The following ASB14 variants were observed in gnomAD, a reference collection of about 807,000 sequenced individuals.
ASB14 encodes ankyrin repeat and SOCS box containing 14.
Under a neutral mutation model 55.6 loss-of-function variants are expected in ASB14, and 63 were observed. That is an observed-to-expected ratio of 1.13 (90% CI 0.92 to 1.40). ASB14 has a LOEUF of 1.40. ASB14 is among the 40% of genes most tolerant of loss of function. The probability of loss-of-function intolerance (pLI) is 0.00; values close to 1 mark genes in which losing one functional copy is unlikely to be tolerated. For synonymous variants in ASB14, 256 were observed against 259.9 expected (o/e 0.98, Z 0.15); for missense variants, 724 against 710.4 (o/e 1.02, Z -0.22).
intron 9 of ASB14, among the ~76,000 whole-genome samples, 153 bp downstream of exon 9, chr3:57,277,614 G>A: frequency 6.6e-6 from 1 of 152,158 alleles, no homozygotes; most frequent in Non-Finnish European, 1.5e-5. Context: ...CAAATTAAGT[G>A]TAGTTAGTAA....
At chr3:57,290,063 A>G (rs775534251) in intron 2 of ASB14, among the ~76,000 whole-genome samples, 1 of 152,234 alleles carries the variant, frequency 6.6e-6, no homozygotes, top group Non-Finnish European at 1.5e-5. Flanking sequence ...ACCTGCATTC[A>G]TAGATTTAGT....
At chr3:57,278,048 G>C (rs1013337737) in intron 8 of ASB14, 128 bp from the exon 9 acceptor site, 1 of 802,584 alleles carries the variant, frequency 1.2e-6, no homozygotes. Context: ...AAAATGGGAA[G>C]GGATGGTAGT....
chr3:57,280,021 G>C (rs1398583826), intron 7 of ASB14, among the ~76,000 whole-genome samples: 2 of 151,916 alleles, frequency 1.3e-5, no homozygotes, highest in Non-Finnish European at 2.9e-5. Context: ...CAGGGCCATG[G>C]CTGCTACAAC....
Position 57,278,746 on chromosome 3 carries a change from G to A in ASB14, c.1062C>T (p.Asp354=), listed in dbSNP as rs779253795. The A allele has an allele frequency of 1.2e-6, 2 of 1,613,586 alleles. No homozygotes were observed. The highest frequency in any genetic ancestry group is 2.2e-5 in the South Asian group (2 of 91,006). ...LDQRINKHYD[D]HRKSALYFAV... ...CAAAATACAAAGCTGACTTCCTGTG[G>A]TCATCGTAGTGTTTGTTAATTCTCT... The change falls in exon 8 of 11, where the codon GAC becomes GAT. Residue 354 remains aspartate, a synonymous_variant. Transcript: ENST00000487349.
Position 57,291,903 on chromosome 3 carries a change from A to G in ASB14, c.122+9T>C, listed in dbSNP as rs1373849269. 1 of 1,527,314 alleles carries G rather than the reference A, an allele frequency of 6.5e-7. No individual in the cohort carries two copies. Among genetic ancestry groups the G allele is most frequent in the South Asian group, 1.2e-5 (1 of 83,606 alleles). The allele number at this position is 1,527,314 out of a possible 1,614,324, so 94.6% of individuals were successfully genotyped here. On this transcript the variant is annotated intron_variant, in intron 2 of 10. Coordinates refer to ENST00000487349, the MANE Select transcript of ASB14 (RefSeq NM_001142733.3). ...CTTAATACTATATTGCCGATGAGAA[A>G]ACCATTACCTCTCATCCTTAGGTGC...
intron 2 of ASB14, among the ~76,000 whole-genome samples, chr3:57,289,868 C>T (rs549900196): frequency 6.6e-5 from 10 of 151,894 alleles, no homozygotes; most frequent in African/African-American, 1.4e-4. Flanking sequence ...AGGATGATCT[C>T]GATCTCCTGA....
rs1305018672 is a variant in ASB14, at chr3:57,289,080, T to C, written c.166A>G (p.Thr56Ala). 2.0e-6 allele frequency: 3 copies of C among 1,527,482 alleles called. No homozygotes were observed. Among genetic ancestry groups the C allele is most frequent in the Middle Eastern group, 1.7e-4 (1 of 5,974 alleles). 94.6% of individuals were successfully genotyped at this position (1,527,482 alleles called of 1,614,324 possible). A position where few individuals can be genotyped will look rare whatever the true frequency, so the allele number is the denominator to read the frequency against. ...LSADYKKIVE[T>A]IEKGKEDALS... is the part of the protein sequence containing the mutation. ...TAGGAGTACTTAACTTTCTCTATTGTTTCAACTATCTTCTTATAGTCAGCG... is the reference window on the plus strand; with the variant it reads ...TAGGAGTACTTAACTTTCTCTATTGCTTCAACTATCTTCTTATAGTCAGCG... Residue 56 changes from threonine (T) to alanine (A), a missense_variant, in exon 3 of 11, where the codon ACA becomes GCA. Coordinates refer to ENST00000487349, the MANE Select transcript of ASB14 (RefSeq NM_001142733.3).
chr3:57,285,192 C>T (rs1020263464), intron 5 of ASB14, among the ~76,000 whole-genome samples: 8 of 152,112 alleles, frequency 5.3e-5, no homozygotes, highest in South Asian at 2.1e-4. Flanking sequence ...CGGCCGGCCT[C>T]GGCCTCCCAA....
At chr3:57,272,388 A>G (rs1473137777) in intron 10 of ASB14, 1 of 152,214 alleles carries the variant, frequency 6.6e-6, no homozygotes, top group African/African-American at 2.4e-5. Context: ...CTCAGGCTCT[A>G]CAATCTAGGG....
In ASB14 at chr3:57,280,297, T is replaced by G; in HGVS notation, c.887+5A>C. The G allele has an allele frequency of 6.5e-7, 1 of 1,539,096 alleles. No individual in the cohort carries two copies. Among genetic ancestry groups the G allele is most frequent in the South Asian group, 1.2e-5 (1 of 82,434 alleles). On this transcript the variant is annotated splice_donor_5th_base_variant and intron_variant, in intron 7 of 10. Coordinates refer to ENST00000487349, the MANE Select transcript of ASB14 (RefSeq NM_001142733.3). The stretch of plus-strand genomic sequence containing the variant: ...ATTATTTATAATAATGTAATTGAAC[T>G]TAACAGTAAGTGGCCCCTGTCAGCT...
At chr3:57,292,423 TAC>T (rs2061140964) in intron 1 of ASB14, among the ~76,000 whole-genome samples, 1 of 152,226 alleles carries the variant, frequency 6.6e-6, no homozygotes, top group Admixed American at 6.5e-5. Flanking sequence ...ATATCTTTCC[TAC>T]ACACAGTGTG....
chr3:57,285,179 G>T (rs1484083960), intron 5 of ASB14, among the ~76,000 whole-genome samples: 3 of 152,098 alleles, frequency 2.0e-5, no homozygotes, highest in Non-Finnish European at 4.4e-5. Flanking sequence ...GATCTCAGGT[G>T]ACCGGCCGGC....
intron 10 of ASB14, among the ~76,000 whole-genome samples, chr3:57,276,052 CTACTG>C (rs2060983115): frequency 1.3e-5 from 2 of 152,174 alleles, no homozygotes; most frequent in South Asian, 4.2e-4. Flanking sequence ...ATAAGGGAGA[CTACTG>C]TATTATATAT....
Position 57,277,164 on chromosome 3 carries a change from G to C in ASB14, c.1586-436C>G, listed in dbSNP as rs546106999. On this transcript the variant is annotated intron_variant, in intron 9 of 10. Transcript: ENST00000487349. ...TGCCTGTAATCTCAGCTACTCGTGAGACTGAGGCAGGAGAATCGCTTGAAC... is the reference window on the plus strand; with the variant it reads ...TGCCTGTAATCTCAGCTACTCGTGACACTGAGGCAGGAGAATCGCTTGAAC... Among the ~76,000 whole-genome samples the C allele has an allele frequency of 3.4e-4, 51 of 151,912 alleles. 2 individuals are homozygous for C. The South Asian group carries it at 0.01, about 31-fold the overall frequency.
intron 10 of ASB14, among the ~76,000 whole-genome samples, chr3:57,275,859 TAGA>T (rs2060981513): frequency 6.6e-6 from 1 of 152,164 alleles, no homozygotes; most frequent in South Asian, 2.1e-4. Context: ...TATTTAAACA[TAGA>T]AAAGGTACAG....
intron 10 of ASB14, chr3:57,270,342 T>A (rs1003450543): frequency 1.2e-4 from 19 of 152,766 alleles, no homozygotes; most frequent in Middle Eastern, 3.4e-3. Context: ...TGTCTTCAGT[T>A]CAAGATTGAT....
At chr3:57,277,686 G>A in intron 9 of ASB14, 81 bp downstream of exon 9, 1 of 1,256,610 alleles carries the variant, frequency 8.0e-7, no homozygotes, top group African/African-American at 1.5e-5. Flanking sequence ...CAGAAGAGAA[G>A]GGTGTTCTAA....
chr3:57,288,134 G>A (rs942953153), intron 4 of ASB14, 21 bp downstream of exon 4: 1 of 1,536,486 alleles, frequency 6.5e-7, no homozygotes, highest in Non-Finnish European at 8.7e-7. Context: ...GAAGCATCAA[G>A]AAGAATCAAA....
intron 6 of ASB14, among the ~76,000 whole-genome samples, chr3:57,282,222 T>C (rs942736918): frequency 6.6e-6 from 1 of 152,202 alleles, no homozygotes; most frequent in Non-Finnish European, 1.5e-5. Flanking sequence ...AGATAATGTC[T>C]AAAAAGCACA....
Sources: allele counts gnomAD v4.1 joint callset (sites outside exome capture counted in the v4.1 genomes callset), GRCh38; gene constraint gnomAD v4.1.1; transcripts MANE v1.5; gene names NCBI Gene and HGNC (gene_info 2026-07-23, HGNC 2026-07-21).